Variants in UIMC1 observed in about 807,000 individuals in gnomAD.
The protein encoded by UIMC1 is BRCA1-A complex subunit RAP80.
Under a neutral mutation model 84.9 loss-of-function variants are expected in UIMC1, and 42 were observed. That is an observed-to-expected ratio of 0.49 (90% CI 0.39 to 0.64). The LOEUF is 0.64. UIMC1 is among the 30% of genes least tolerant of loss of function. The pLI is 0.00. For missense variants in UIMC1, 825 were observed against 847.6 expected (o/e 0.97, Z 0.33); for synonymous variants, 281 against 293.0 (o/e 0.96, Z 0.42).
chr5:177,016,725 A>C (rs745384494), intron 1 of UIMC1, among the ~76,000 whole-genome samples: 3 of 151,592 alleles, frequency 2.0e-5, no homozygotes, highest in Non-Finnish European at 4.4e-5. Flanking sequence ...GTCTCAAAAA[A>C]GAAAATTATC....
chr5:177,000,559 G>T (rs1774307276), intron 1 of UIMC1, among the ~76,000 whole-genome samples: 1 of 139,230 alleles, frequency 7.2e-6, no homozygotes, highest in Admixed American at 7.3e-5. Flanking sequence ...GGAGTGCAAT[G>T]GCACAATCTC....
intron 10 of UIMC1, among the ~76,000 whole-genome samples, chr5:176,936,051 T>C (rs1440508305): frequency 6.6e-6 from 1 of 152,220 alleles, no homozygotes; most frequent in East Asian, 1.9e-4. Flanking sequence ...CTTTGACTCT[T>C]ATGCTTTGCC....
intron 11 of UIMC1, 90 bp from the exon 12 acceptor site, chr5:176,908,784 G>A (rs537242047): frequency 8.6e-6 from 12 of 1,394,778 alleles, no homozygotes; most frequent in African/African-American, 7.2e-5. Flanking sequence ...GTGTTTTTAC[G>A]TCGCAAAGTT....
chr5:176,990,507 A>C (rs1772666626), intron 1 of UIMC1, among the ~76,000 whole-genome samples: 1 of 152,182 alleles, frequency 6.6e-6, no homozygotes, highest in Admixed American at 6.6e-5. Flanking sequence ...CATTACACAA[A>C]TTAAAACACA....
At chr5:177,017,279 A>G (rs1775693127) in intron 1 of UIMC1, among the ~76,000 whole-genome samples, 1 of 152,202 alleles carries the variant, frequency 6.6e-6, no homozygotes, top group Admixed American at 6.5e-5. Context: ...TAGAGATGAG[A>G]AATAAAAAGA....
Position 176,990,193 on chromosome 5 carries a change from C to A in UIMC1, c.-8-7570G>T, listed in dbSNP as rs944133898. Reference sequence around the variant, plus strand: ...GAGACTCTGTTACAAAAAAAAAAAACAAAAACAAAGAAAGAAATGGGGACT... The same window carrying A: ...GAGACTCTGTTACAAAAAAAAAAAAAAAAAACAAAGAAAGAAATGGGGACT... On this transcript the variant is annotated intron_variant, in intron 1 of 14. Transcript: ENST00000511320. Among the ~76,000 whole-genome samples, 16 of 149,294 alleles carry A rather than the reference C, an allele frequency of 1.1e-4. 1 individual carries two copies. Among genetic ancestry groups the A allele is most frequent in the Non-Finnish European group, 1.5e-4 (10 of 67,208 alleles).
chr5:176,980,643 AT>A (rs1052566080), intron 2 of UIMC1, among the ~76,000 whole-genome samples: 44 of 151,220 alleles, frequency 2.9e-4, no homozygotes, highest in Middle Eastern at 3.4e-3. Context: ...TATGGCTTGG[AT>A]TTTTTTTTAA....
At chr5:177,022,407 A>G (rs1775907577) in intron 1 of UIMC1, 2 of 280,948 alleles carry the variant, frequency 7.1e-6, no homozygotes, top group Non-Finnish European at 1.3e-5. Flanking sequence ...TGAAATGGCG[A>G]AAACACTCCC....
At chr5:176,997,171 C>T (rs1773728492) in intron 1 of UIMC1, among the ~76,000 whole-genome samples, 1 of 152,084 alleles carries the variant, frequency 6.6e-6, no homozygotes, top group Admixed American at 6.6e-5. Context: ...ATATCCAATT[C>T]ATCCTTATGT....
intron 6 of UIMC1, among the ~76,000 whole-genome samples, chr5:176,963,996 T>A (rs1440080565): frequency 2.6e-5 from 4 of 152,202 alleles, no homozygotes; most frequent in African/African-American, 9.6e-5. Flanking sequence ...CTTTATCTTG[T>A]CTCAGTGATG....
intron 8 of UIMC1, among the ~76,000 whole-genome samples, chr5:176,954,286 C>T (rs917721366): frequency 3.3e-5 from 5 of 152,136 alleles, no homozygotes; most frequent in African/African-American, 9.7e-5. Flanking sequence ...TCAGTAGTCC[C>T]AGACAGAGGG....
chr5:176,966,233 A>G (rs772326386), intron 6 of UIMC1, among the ~76,000 whole-genome samples: 1 of 152,240 alleles, frequency 6.6e-6, no homozygotes, highest in Non-Finnish European at 1.5e-5. Flanking sequence ...TGCCTATGCT[A>G]TGCATTGCAG....
At chr5:177,016,060 C>T (rs1775661370) in intron 1 of UIMC1, among the ~76,000 whole-genome samples, 3 of 151,814 alleles carry the variant, frequency 2.0e-5, no homozygotes, top group Admixed American at 2.0e-4. Flanking sequence ...GAAGAAGACT[C>T]CATCTCAAAA....
intron 6 of UIMC1, among the ~76,000 whole-genome samples, chr5:176,959,310 A>T (rs892242336): frequency 6.6e-6 from 1 of 152,240 alleles, no homozygotes; most frequent in Admixed American, 6.5e-5. Context: ...GAATTTTATA[A>T]TGACTAGCCT....
At chr5:176,982,820 C>T (rs1771251873) in intron 1 of UIMC1, among the ~76,000 whole-genome samples, 197 bp from the exon 2 acceptor site, 1 of 152,192 alleles carries the variant, frequency 6.6e-6, no homozygotes, top group African/African-American at 2.4e-5. Flanking sequence ...CTGCCTCAGC[C>T]TCCCGAGTAG....
At position 176,987,845 on chromosome 5, in the gene UIMC1, C is replaced by T. The variant is rs563804292; in HGVS notation, c.-8-5222G>A. ...TCTCACAAAAAAAAAAGACATCAAA[C>T]GTAAAAGTAGCCCAGCAGAGTGGGC... On this transcript the variant is annotated intron_variant, in intron 1 of 14. Transcript: ENST00000511320. Among the ~76,000 whole-genome samples the T allele has an allele frequency of 1.3e-4, 20 of 150,284 alleles. 1 individual carries two copies. The South Asian group carries it at 3.2e-3, about 24-fold the overall frequency.
intron 2 of UIMC1, among the ~76,000 whole-genome samples, chr5:176,982,117 T>C (rs941672203): frequency 1.3e-5 from 2 of 152,216 alleles, no homozygotes; most frequent in African/African-American, 2.4e-5. Flanking sequence ...TGCTATTATA[T>C]GTAGAACATA....
chr5:176,932,962 AT>A (rs2149426944), intron 10 of UIMC1, among the ~76,000 whole-genome samples: 1 of 144,828 alleles, frequency 6.9e-6, no homozygotes, highest in East Asian at 2.0e-4. Flanking sequence ...TTCCACATGG[AT>A]TTGAATACTC....
intron 6 of UIMC1, among the ~76,000 whole-genome samples, chr5:176,965,871 G>A (rs1226026210): frequency 3.9e-5 from 6 of 152,140 alleles, no homozygotes; most frequent in Non-Finnish European, 8.8e-5. Context: ...GATCTTGCAA[G>A]CTAACAACTT....
Sources: allele counts gnomAD v4.1 joint callset (sites outside exome capture counted in the v4.1 genomes callset), GRCh38; gene constraint gnomAD v4.1.1; transcripts MANE v1.5; gene names NCBI Gene and HGNC (gene_info 2026-07-23, HGNC 2026-07-21).